Variants in EGFL7 observed in about 807,000 individuals in gnomAD.
EGFL7 encodes the protein epidermal growth factor-like protein 7.
Under a neutral mutation model 37.1 loss-of-function variants are expected in EGFL7, and 48 were observed. The observed-to-expected ratio is 1.29, with a 90% CI of 1.03 to 1.65. EGFL7 has a LOEUF of 1.65. EGFL7 is among the 40% of genes most tolerant of loss of function. The pLI is 0.00. For synonymous variants in EGFL7, 180 were observed against 156.8 expected (o/e 1.15, Z -1.10); for missense variants, 384 against 378.9 (o/e 1.01, Z -0.11).
At position 136,666,536 on chromosome 9, in the gene EGFL7, G is replaced by C. The variant is rs978345732; in HGVS notation, c.-42-1705G>C. Among the ~76,000 whole-genome samples, 1 of 152,118 alleles carries C rather than the reference G, an allele frequency of 6.6e-6. No homozygotes were observed. On this transcript the variant is annotated intron_variant, in intron 3 of 10. Transcript: ENST00000308874. The surrounding 1 kb of genome is among the most constrained non-coding windows in gnomAD (Gnocchi z 6.8). ...GCAGCACCGGCTCGGAGAGCACCAC[G>C]GGCTTCCTCTGGCCTCGGGAAAACA...
chr9:136,672,139 G>A (rs1588256150), intron 10 of EGFL7, 51 bp downstream of exon 10: 2 of 1,567,636 alleles, frequency 1.3e-6, no homozygotes, highest in Admixed American at 1.9e-5. Flanking sequence ...GGCCCAGTGG[G>A]CCTAGAGGGG....
At chr9:136,670,778 T>C in intron 8 of EGFL7, 172 bp from the exon 9 acceptor site, 1 of 733,396 alleles carries the variant, frequency 1.4e-6, no homozygotes, top group South Asian at 1.5e-5. Context: ...CGCCCCGACG[T>C]ACTTAGGCGG....
upstream of EGFL7, chr9:136,659,647 C>G (rs181860913): frequency 1.3e-5 from 2 of 152,530 alleles, no homozygotes; most frequent in East Asian, 1.9e-4. Flanking sequence ...CAGCCCTTCC[C>G]CTTATAACTA....
At position 136,669,640 on chromosome 9, in the gene EGFL7, G is replaced by A. The variant is rs1306570953; in HGVS notation, c.232G>A (p.Gly78Arg). ...TAGGACCGCCTACCGCCGCAGCCCT[G>A]GGCTGGCCCCTGCCAGGCCTCGCTA... ...IYRTAYRRSP[G>R]LAPARPRYAC... Residue 78 changes from glycine (G) to arginine (R), a missense_variant, in exon 6 of 11, where the codon GGG (glycine) becomes AGG (arginine). Physicochemically the swap from Gly to Arg is moderately radical, Grantham distance 125. Coordinates refer to ENST00000308874, the MANE Select transcript of EGFL7 (RefSeq NM_016215.5). The A allele has an allele frequency of 6.2e-7, 1 of 1,611,338 alleles. No homozygotes were observed. Among genetic ancestry groups the A allele is most frequent in the Non-Finnish European group, 8.5e-7 (1 of 1,179,478 alleles).
upstream of EGFL7, chr9:136,659,198 C>A (rs1281159758): frequency 1.3e-5 from 2 of 152,232 alleles, no homozygotes; most frequent in Non-Finnish European, 2.9e-5. Context: ...CTTCTCCCTG[C>A]CCAAACCCTC....
At position 136,672,381 on chromosome 9, in the gene EGFL7, G is replaced by A; in HGVS notation, c.*95G>A. On this transcript the variant is annotated 3_prime_UTR_variant, in exon 11 of 11. Coordinates refer to ENST00000308874, the MANE Select transcript of EGFL7 (RefSeq NM_016215.5). ...GCTGGGGGTCCAGAAACCACCTCGG[G>A]GTGACTGAGCGGAAGGCCAGGCAGG... 1.3e-6 allele frequency: 2 copies of A among 1,531,838 alleles called. No individual in the cohort carries two copies. Among genetic ancestry groups the A allele is most frequent in the East Asian group, 2.3e-5 (1 of 44,236 alleles). 94.9% of individuals were successfully genotyped at this position (1,531,838 alleles called of 1,614,324 possible). A position where few individuals can be genotyped will look rare whatever the true frequency, so the allele number is the denominator to read the frequency against.
Position 136,664,702 on chromosome 9 carries a change from G to A in EGFL7, c.-126G>A, listed in dbSNP as rs936721024. Reference sequence around the variant, plus strand: ...CTCCTCTCCAACCAGCAGCCCCCAGGACCGGGGAGGCACAGGTGGCCCCCA... The same window carrying A: ...CTCCTCTCCAACCAGCAGCCCCCAGAACCGGGGAGGCACAGGTGGCCCCCA... On this transcript the variant is annotated 5_prime_UTR_variant, in exon 3 of 11. Transcript: ENST00000308874. 1.3e-5 allele frequency: 2 copies of A among 152,414 alleles called. No individual in the cohort carries two copies. Among genetic ancestry groups the A allele is most frequent in the Non-Finnish European group, 2.9e-5 (2 of 68,170 alleles). 9.4% of individuals were successfully genotyped at this position (152,414 alleles called of 1,614,324 possible).
intron 8 of EGFL7, 69 bp from the exon 9 acceptor site, chr9:136,670,881 C>A: frequency 2.1e-6 from 3 of 1,415,264 alleles, no homozygotes; most frequent in South Asian, 1.3e-5. Context: ...TCCCTGGGGA[C>A]AGGAGGGAGC....
intron 4 of EGFL7, 47 bp from the exon 5 acceptor site, chr9:136,668,510 G>A: frequency 6.3e-7 from 1 of 1,583,812 alleles, no homozygotes. Context: ...ATCATTCTTG[G>A]GTCCTGCTCT....
intron 3 of EGFL7, among the ~76,000 whole-genome samples, chr9:136,667,819 G>C (rs1845569116): frequency 6.6e-6 from 1 of 152,182 alleles, no homozygotes. Context: ...CTGGATCCCA[G>C]CTCTGCCCAC....
In EGFL7 at chr9:136,670,882, A is replaced by G; in HGVS notation, c.572-68A>G. On this transcript the variant is annotated intron_variant, in intron 8 of 10. Coordinates refer to ENST00000308874, the MANE Select transcript of EGFL7 (RefSeq NM_016215.5). ...TCTGGCTCTGCCTCTCCCTGGGGAC[A>G]GGAGGGAGCCTGGGGGTGTGGGTGG... is the stretch of plus-strand genomic sequence containing the variant. 3 of 1,389,272 alleles carry G rather than the reference A, an allele frequency of 2.2e-6. No individual in the cohort carries two copies. In the South Asian group the frequency reaches 3.8e-5, roughly 18 times the overall value. The allele number at this position is 1,389,272 out of a possible 1,614,324, so 86.1% of individuals were successfully genotyped here. A position where few individuals can be genotyped will look rare whatever the true frequency, so the allele number is the denominator to read the frequency against.
At position 136,672,026 on chromosome 9, in the gene EGFL7, A is replaced by C. The variant is rs1290576811; in HGVS notation, c.737A>C (p.Gln246Pro). ...PGSLLVHSFQ[Q>P]LGRIDSLSEQ... ...AGCCTCCTGGTGCACTCCTTCCAGC[A>C]GCTCGGCCGCATCGACTCCCTGAGC... The change falls in exon 10 of 11, where the codon CAG becomes CCG. Residue 246 changes from glutamine (Q) to proline (P), a missense_variant. Gln to Pro is a moderately conservative substitution (Grantham distance 76). Transcript: ENST00000308874. The C allele has an allele frequency of 6.5e-7, 1 of 1,544,852 alleles. No homozygotes were observed. The highest frequency in any genetic ancestry group is 8.7e-7 in the Non-Finnish European group (1 of 1,146,816).
chr9:136,670,910 AGCCG>A lies in EGFL7; in HGVS notation c.572-31_572-28del, dbSNP rs765079413. On this transcript the variant is annotated intron_variant, in intron 8 of 10. Transcript: ENST00000308874. Reference sequence around the variant, plus strand: ...AGGGAGCCTGGGGGTGTGGGTGGGGAGCCGGCCGGCCGTGACCCAGCGCCTGGCT... The same window carrying A: ...AGGGAGCCTGGGGGTGTGGGTGGGGAGCCGGCCGTGACCCAGCGCCTGGCT... The A allele has an allele frequency of 5.3e-5, 80 of 1,510,392 alleles. No individual in the cohort carries two copies. The South Asian group carries it at 9.0e-4, about 17-fold the overall frequency. 93.6% of individuals were successfully genotyped at this position (1,510,392 alleles called of 1,614,324 possible). A position where few individuals can be genotyped will look rare whatever the true frequency, so the allele number is the denominator to read the frequency against.
intron 8 of EGFL7, 134 bp from the exon 9 acceptor site, chr9:136,670,816 C>T: frequency 1.1e-6 from 1 of 882,240 alleles, no homozygotes; most frequent in Middle Eastern, 2.3e-4. Context: ...TGGCCAGCGC[C>T]AGGCAGGCAG....
intron 8 of EGFL7, chr9:136,670,674 G>T (rs760999709): frequency 1.3e-6 from 1 of 771,892 alleles, no homozygotes; most frequent in Admixed American, 1.7e-5. Context: ...GTAATAATGC[G>T]CCGTCCACGG....
At chr9:136,670,925 A>C (rs970300768) in intron 8 of EGFL7, 25 bp from the exon 9 acceptor site, 12 of 1,524,374 alleles carry the variant, frequency 7.9e-6, no homozygotes, top group Non-Finnish European at 1.1e-5. Context: ...GCCGGCCGTG[A>C]CCCAGCGCCT....
intron 3 of EGFL7, among the ~76,000 whole-genome samples, chr9:136,667,943 C>T (rs141375951): frequency 1.6e-3 from 248 of 152,320 alleles, no homozygotes; most frequent in African/African-American, 5.7e-3. Context: ...AGCCATCCTT[C>T]CCGGAGCCTC....
rs1249608998 is a variant in EGFL7 at position 136,672,037 on chromosome 9, A to T, written c.748A>T (p.Ile250Phe). 3.2e-6 allele frequency: 5 copies of T among 1,545,458 alleles called. No homozygotes were observed. The highest frequency in any genetic ancestry group is 4.4e-6 in the Non-Finnish European group (5 of 1,146,942). Residue 250 changes from isoleucine (I) to phenylalanine (F), a missense_variant, in exon 10 of 11, where the codon ATC (isoleucine) becomes TTC (phenylalanine). Coordinates refer to ENST00000308874, the MANE Select transcript of EGFL7 (RefSeq NM_016215.5). ...GCACTCCTTCCAGCAGCTCGGCCGC[A>T]TCGACTCCCTGAGCGAGCAGATTTC... ...LVHSFQQLGR[I>F]DSLSEQISFL...
rs1205334705 is a variant in EGFL7, at chr9:136,672,064, T to C, written c.775T>C (p.Phe259Leu). 2 of 1,546,612 alleles carry C rather than the reference T, an allele frequency of 1.3e-6. No individual in the cohort carries two copies. The highest frequency in any genetic ancestry group is 1.7e-6 in the Non-Finnish European group (2 of 1,146,998). The change falls in exon 10 of 11, where the codon TTC becomes CTC. Residue 259 changes from phenylalanine (F) to leucine (L), a missense_variant. Phe to Leu is a conservative substitution (Grantham distance 22). Coordinates refer to ENST00000308874, the MANE Select transcript of EGFL7 (RefSeq NM_016215.5). ...CGACTCCCTGAGCGAGCAGATTTCCTTCCTGGAGGAGCAGCTGGGGTCCTG... is the reference window on the plus strand; with the variant it reads ...CGACTCCCTGAGCGAGCAGATTTCCCTCCTGGAGGAGCAGCTGGGGTCCTG... The part of the protein sequence containing the change: ...RIDSLSEQIS[F>L]LEEQLGSCSC...
Sources: gnomAD v4.1 joint callset for allele counts (sites outside exome capture counted in the v4.1 genomes callset) on GRCh38, gnomAD v4.1.1 for gene constraint, Gnocchi (gnomAD v3.1) non-coding constraint, MANE v1.5 for transcripts, NCBI Gene and HGNC (gene_info 2026-07-23, HGNC 2026-07-21) for gene names.